Variants in CEMIP observed in about 807,000 individuals in gnomAD.
CEMIP encodes cell migration inducing hyaluronidase 1.
In CEMIP, 105 loss-of-function variants were observed where a neutral mutation model predicts 156.9. That is an observed-to-expected ratio of 0.67 (90% CI 0.57 to 0.79). The LOEUF (loss-of-function observed/expected upper bound fraction) is 0.79, where lower values mean the gene tolerates loss of function less well. Among genes scored for constraint, CEMIP ranks in the 30% least tolerant of loss-of-function variants. The pLI is 0.00. For synonymous variants in CEMIP, 676 were observed against 668.4 expected, an observed-to-expected ratio of 1.01 and a Z score of -0.17; for missense variants, 1,457 against 1,769.4, an observed-to-expected ratio of 0.82 and a Z score of 3.17.
At position 80,792,982 on chromosome 15, in the gene CEMIP, A is replaced by G. The variant is rs552280347; in HGVS notation, c.-176+13368A>G. On this transcript the variant is annotated intron_variant, in intron 1 of 29. Transcript: ENST00000394685. ...CAGTCACTTTATAAGTGCTTTACAT[A>G]TATTGGTAGGACACAGAATAGAGAA... Among the ~76,000 whole-genome samples, 6 of 152,350 alleles carry G rather than the reference A, an allele frequency of 3.9e-5. No homozygotes were observed. In the South Asian group the frequency reaches 8.3e-4, roughly 21 times the overall value.
At chr15:80,926,653 A>G (rs1900683102) in intron 19 of CEMIP, among the ~76,000 whole-genome samples, 1 of 152,102 alleles carries the variant, frequency 6.6e-6, no homozygotes, top group East Asian at 1.9e-4. Context: ...GAGCCCCAGG[A>G]AGATGCTTGA....
At chr15:80,868,114 C>T (rs760279193) in intron 1 of CEMIP, among the ~76,000 whole-genome samples, 5 of 152,110 alleles carry the variant, frequency 3.3e-5, no homozygotes, top group Non-Finnish European at 5.9e-5. Flanking sequence ...TCCAGTCCTC[C>T]AGGAGCCACG....
intron 1 of CEMIP, among the ~76,000 whole-genome samples, chr15:80,799,698 A>C (rs1353324199): frequency 1.3e-5 from 2 of 152,244 alleles, no homozygotes; most frequent in Non-Finnish European, 2.9e-5. Flanking sequence ...TGAATGGATA[A>C]AGAAAATGTA....
intron 10 of CEMIP, among the ~76,000 whole-genome samples, chr15:80,893,080 G>A (rs561740429): frequency 3.3e-5 from 5 of 152,158 alleles, no homozygotes; most frequent in African/African-American, 4.8e-5. Context: ...CCAGCTACTC[G>A]GGAGGCTGAG....
chr15:80,834,227 A>G (rs1259678895), intron 1 of CEMIP, among the ~76,000 whole-genome samples: 1 of 152,208 alleles, frequency 6.6e-6, no homozygotes, highest in East Asian at 1.9e-4. Flanking sequence ...TGTCAGTTAA[A>G]TATTTTGCAA....
Position 80,943,024 on chromosome 15 carries a change from G to C in CEMIP, c.3779G>C (p.Ser1260Thr). Residue 1260 changes from serine to threonine, a missense_variant, in exon 28 of 30, where the codon AGC (serine) becomes ACC (threonine). Physicochemically the swap from Ser to Thr is moderately conservative, Grantham distance 58. Coordinates refer to ENST00000394685, the MANE Select transcript of CEMIP (RefSeq NM_001293298.2). ...GACGGGAACCAAGGGCGCGTGGTGA[G>C]CCACACGAGCTTCAGGAACTCCATT... ...VIDGNQGRVV[S>T]HTSFRNSILQ... 6.2e-7 allele frequency: 1 copy of C among 1,614,234 alleles called. No homozygotes were observed. Among genetic ancestry groups the C allele is most frequent in the East Asian group, 2.2e-5 (1 of 44,880 alleles).
chr15:80,900,586 GTGTGT>G (rs1567090720), intron 12 of CEMIP, among the ~76,000 whole-genome samples: 12 of 29,190 alleles, frequency 4.1e-4, no homozygotes, highest in Non-Finnish European at 6.0e-4. Flanking sequence ...CCAGGTAGGG[GTGTGT>G]GTGTGTGTGT....
rs1901134569 is a variant in CEMIP at position 80,936,714 on chromosome 15, A to G, written c.3050A>G (p.Lys1017Arg). ...QAYKTSNLRM[K>R]IIKNDFPSHP... ...TACAAGACCAGTAACCTGCGAATGA[A>G]GATCATCAAGAATGACTTCCCCAGC... is the stretch of plus-strand genomic sequence containing the variant. The change falls in exon 24 of 30, where the codon AAG becomes AGG. Residue 1017 changes from lysine (K) to arginine (R), a missense_variant. Lys to Arg is a conservative substitution (Grantham distance 26). This residue lies in a region of CEMIP where 798 missense variants were observed against 980.1 expected (regional missense o/e 0.81). Coordinates refer to ENST00000394685, the MANE Select transcript of CEMIP (RefSeq NM_001293298.2). The G allele has an allele frequency of 6.2e-7, 1 of 1,614,102 alleles. No individual in the cohort carries two copies. Among genetic ancestry groups the G allele is most frequent in the Non-Finnish European group, 8.5e-7 (1 of 1,180,042 alleles).
chr15:80,936,774 G>T lies in CEMIP; in HGVS notation c.3110G>T (p.Ser1037Ile). 1 of 1,614,178 alleles carries T rather than the reference G, an allele frequency of 6.2e-7. No individual in the cohort carries two copies. The highest frequency in any genetic ancestry group is 8.5e-7 in the Non-Finnish European group (1 of 1,180,026). Residue 1037 changes from serine to isoleucine, a missense_variant, in exon 24 of 30, where the codon AGC (serine) becomes ATC (isoleucine). By Grantham distance (142) the Ser-to-Ile change is moderately radical (BLOSUM62 -2). Coordinates refer to ENST00000394685, the MANE Select transcript of CEMIP (RefSeq NM_001293298.2). ...PLYLEGALTR[S>I]THYQQYQPVV... Reference sequence around the variant, plus strand: ...TACCTGGAGGGGGCGCTCACCAGGAGCACCCATTACCAGCAATACCAACCG... The same window carrying T: ...TACCTGGAGGGGGCGCTCACCAGGATCACCCATTACCAGCAATACCAACCG...
At chr15:80,863,708 C>T (rs959009499) in intron 1 of CEMIP, among the ~76,000 whole-genome samples, 2 of 152,138 alleles carry the variant, frequency 1.3e-5, no homozygotes, top group African/African-American at 2.4e-5. Context: ...AAGCAGACAT[C>T]AGAATGGGGC....
intron 14 of CEMIP, among the ~76,000 whole-genome samples, chr15:80,919,669 G>T (rs893240398): frequency 1.9e-4 from 29 of 152,290 alleles, no homozygotes; most frequent in African/African-American, 6.3e-4. Context: ...CAGAAAATTA[G>T]CTGGGTGTGG....
At chr15:80,805,335 C>T (rs749649721) in intron 1 of CEMIP, among the ~76,000 whole-genome samples, 11 of 152,160 alleles carry the variant, frequency 7.2e-5, no homozygotes, top group African/African-American at 2.4e-4. Context: ...CCTGCCCGCC[C>T]GGGACAATAT....
At chr15:80,836,245 A>C (rs188203874) in intron 1 of CEMIP, among the ~76,000 whole-genome samples, 1 of 152,246 alleles carries the variant, frequency 6.6e-6, no homozygotes, top group Non-Finnish European at 1.5e-5. Context: ...GCTTGGCTTG[A>C]CCTTCAGTTC....
chr15:80,905,784 A>G (rs1373793593), intron 12 of CEMIP, among the ~76,000 whole-genome samples: 2 of 152,196 alleles, frequency 1.3e-5, no homozygotes, highest in Non-Finnish European at 2.9e-5. Flanking sequence ...GAGGGAGTCC[A>G]GGGCCTTAAG....
Position 80,943,025 on chromosome 15 carries a change from C to A in CEMIP, c.3780C>A (p.Ser1260Arg), listed in dbSNP as rs762668206. Residue 1260 changes from serine (S) to arginine (R), a missense_variant, in exon 28 of 30, where the codon AGC becomes AGA. By Grantham distance (110) the Ser-to-Arg change is moderately radical (BLOSUM62 -1). Transcript: ENST00000394685. ...ACGGGAACCAAGGGCGCGTGGTGAG[C>A]CACACGAGCTTCAGGAACTCCATTC... ...VIDGNQGRVV[S>R]HTSFRNSILQ... 3.7e-6 allele frequency: 6 copies of A among 1,614,176 alleles called. No individual in the cohort carries two copies. In the East Asian group the frequency reaches 1.3e-4, roughly 36 times the overall value.
At chr15:80,881,284 T>A in intron 6 of CEMIP, 148 bp downstream of exon 6, 1 of 773,194 alleles carries the variant, frequency 1.3e-6, no homozygotes, top group South Asian at 1.4e-5. Context: ...GTTCTGTCCT[T>A]CCCCAGGCAT....
chr15:80,921,244 G>C, intron 16 of CEMIP, 143 bp downstream of exon 16: 43 of 714,830 alleles, frequency 6.0e-5, no homozygotes, highest in African/African-American at 3.5e-5. Context: ...TGGTGAAGAG[G>C]AAAACGACAG....
Position 80,878,773 on chromosome 15 carries a change from C to G in CEMIP, c.147C>G (p.Gly49=). ...QSPELQPWNP[G]HDQDHHVHIG... is the part of the protein sequence containing the mutation. ...CTGAGTTGCAACCCTGGAACCCTGG[C>G]CATGACCAAGACCACCATGTGCATA... Residue 49 remains glycine (G), a synonymous_variant, in exon 4 of 30, where the codon GGC becomes GGG. Transcript: ENST00000394685. 1 of 1,614,170 alleles carries G rather than the reference C, an allele frequency of 6.2e-7. No homozygotes were observed. The highest frequency in any genetic ancestry group is 8.5e-7 in the Non-Finnish European group (1 of 1,180,028).
chr15:80,860,336 C>A (rs1045212732), intron 1 of CEMIP, among the ~76,000 whole-genome samples: 1 of 152,172 alleles, frequency 6.6e-6, no homozygotes, highest in Non-Finnish European at 1.5e-5. Flanking sequence ...TAGCTAGAAT[C>A]CAGCCTTCTT....
Sources: allele counts gnomAD v4.1 joint callset (sites outside exome capture counted in the v4.1 genomes callset), GRCh38; gene constraint gnomAD v4.1.1; regional missense constraint gnomAD v4.1.1; transcripts MANE v1.5; gene names NCBI Gene and HGNC (gene_info 2026-07-23, HGNC 2026-07-21).